Variants in DPF3 observed in about 807,000 individuals in gnomAD.
DPF3 encodes zinc finger protein DPF3.
DPF3 carries 18 observed loss-of-function variants against 56.8 expected under a neutral mutation model. That is an observed-to-expected ratio of 0.32 (90% CI 0.22 to 0.47). DPF3 has a LOEUF of 0.47. Among genes scored for constraint, DPF3 ranks in the 20% least tolerant of loss-of-function variants. DPF3 has a pLI of 1.00. For missense variants in DPF3, 403 were observed against 488.8 expected (o/e 0.82, Z 1.65); for synonymous variants, 188 against 180.2 (o/e 1.04, Z -0.35).
At chr14:72,625,296 A>G (rs1339461979) in intron 9 of DPF3, among the ~76,000 whole-genome samples, 4 of 152,122 alleles carry the variant, frequency 2.6e-5, no homozygotes, top group South Asian at 2.1e-4. Flanking sequence ...TTATATTAGT[A>G]TAGATATTTA....
chr14:72,764,494 T>G (rs1010665945), intron 2 of DPF3, among the ~76,000 whole-genome samples: 2 of 130,052 alleles, frequency 1.5e-5, no homozygotes, highest in Non-Finnish European at 3.2e-5. Flanking sequence ...GTTTTTTTTT[T>G]TTTTTTTTTT....
At chr14:72,674,483 T>C in intron 7 of DPF3, 115 bp from the exon 8 acceptor site, 2 of 1,440,518 alleles carry the variant, frequency 1.4e-6, no homozygotes, top group South Asian at 1.5e-5. Flanking sequence ...GGTTTTATTA[T>C]AACCAAGTTG....
chr14:72,735,512 T>C (rs954297883), intron 3 of DPF3, among the ~76,000 whole-genome samples: 2 of 151,950 alleles, frequency 1.3e-5, no homozygotes, highest in African/African-American at 4.8e-5. Context: ...CAGAACCAAA[T>C]GGGAAAAGTG....
chr14:72,714,330 G>T, intron 6 of DPF3, 93 bp downstream of exon 6: 1 of 1,504,272 alleles, frequency 6.6e-7, no homozygotes, highest in Non-Finnish European at 9.1e-7. Context: ...ACACACTGAG[G>T]TTGGCAGGCG....
In DPF3 at chr14:72,824,498, A is replaced by T. The variant is rs150759901; in HGVS notation, c.33-52605T>A. Among the ~76,000 whole-genome samples, 128 of 150,322 alleles carry T rather than the reference A, an allele frequency of 8.5e-4. 1 individual carries two copies. Among genetic ancestry groups the T allele is most frequent in the African/African-American group, 3.0e-3 (123 of 40,876 alleles). On this transcript the variant is annotated intron_variant, in intron 1 of 10. Transcript: ENST00000556509. Reference sequence around the variant, plus strand: ...ATTCAGAATTAACCCACCATTCTTTATGTCGCTTCAACAAGTTGCTTGTAT... The same window carrying T: ...ATTCAGAATTAACCCACCATTCTTTTTGTCGCTTCAACAAGTTGCTTGTAT...
chr14:72,865,275 G>A (rs944889073), intron 1 of DPF3, among the ~76,000 whole-genome samples: 5 of 152,162 alleles, frequency 3.3e-5, no homozygotes, highest in Non-Finnish European at 5.9e-5. Flanking sequence ...ACTTACTTTC[G>A]GAGAGGAAAG....
At chr14:72,805,154 AGG>A (rs1269505043) in intron 1 of DPF3, among the ~76,000 whole-genome samples, 2 of 152,184 alleles carry the variant, frequency 1.3e-5, no homozygotes, top group South Asian at 2.1e-4. Flanking sequence ...TGACTGAAGA[AGG>A]GGGAAACCTG....
At chr14:72,815,234 A>AG (rs1215406759) in intron 1 of DPF3, among the ~76,000 whole-genome samples, 1 of 152,190 alleles carries the variant, frequency 6.6e-6, no homozygotes, top group Non-Finnish European at 1.5e-5. Context: ...CAAAAAAAAA[A>AG]GGTTCAACAT....
chr14:72,762,858 T>G (rs961649837), intron 2 of DPF3, among the ~76,000 whole-genome samples: 1 of 151,978 alleles, frequency 6.6e-6, no homozygotes, highest in African/African-American at 2.4e-5. Context: ...TAATCAACTA[T>G]ATAGAAAATG....
rs773440535 is a variant in DPF3, at chr14:72,771,893, C to T, written c.33G>A (p.Ala11=). 1 of 1,579,224 alleles carries T rather than the reference C, an allele frequency of 6.3e-7. No individual in the cohort carries two copies. Among genetic ancestry groups the T allele is most frequent in the Admixed American group, 1.8e-5 (1 of 57,142 alleles). ...CTTCCTTGTAGAACTGGTCCCCGAG[C>T]CTGCCAGAGTCAGAGAGTGAAGGGG... is the stretch of plus-strand genomic sequence containing the variant. MATVIHNPLK[A]LGDQFYKEAI... The change falls in exon 2 of 11, where the codon GCG becomes GCA. Residue 11 remains alanine, a splice_region_variant and synonymous_variant. Coordinates refer to ENST00000556509, the MANE Select transcript of DPF3 (RefSeq NM_001280542.3).
rs1599507437 is a variant in DPF3 at position 72,865,617 on chromosome 14, G to A, written c.32+28440C>T. 2.0e-5 allele frequency among the ~76,000 whole-genome samples: 3 copies of A among 152,336 alleles called. No individual in the cohort carries two copies. In the South Asian group the frequency reaches 6.2e-4, roughly 32 times the overall value. Reference sequence around the variant, plus strand: ...TAGGAAGAAATGGAAAGGGTGAGAAGAGATTATGATGGTGCACCGAGGACC... The same window carrying A: ...TAGGAAGAAATGGAAAGGGTGAGAAAAGATTATGATGGTGCACCGAGGACC... On this transcript the variant is annotated intron_variant, in intron 1 of 10. Transcript: ENST00000556509.
At chr14:72,702,688 C>A (rs1307418931) in intron 6 of DPF3, among the ~76,000 whole-genome samples, 1 of 152,178 alleles carries the variant, frequency 6.6e-6, no homozygotes, top group Non-Finnish European at 1.5e-5. Context: ...CAGGGAGAAG[C>A]CCCAACTGAG....
At chr14:72,858,308 CA>C (rs34498163) in intron 1 of DPF3, among the ~76,000 whole-genome samples, 1,594 of 119,812 alleles carry the variant, frequency 0.013, 25 homozygotes, top group African/African-American at 0.044. Flanking sequence ...GACTCTATCT[CA>C]AAAAAAAAAA....
chr14:72,686,394 A>G (rs1411007318), intron 7 of DPF3, among the ~76,000 whole-genome samples: 1 of 152,250 alleles, frequency 6.6e-6, no homozygotes, highest in Non-Finnish European at 1.5e-5. Flanking sequence ...AATCCCATGA[A>G]GTCAGGAGGA....
At chr14:72,749,689 G>T (rs1018078449) in intron 3 of DPF3, among the ~76,000 whole-genome samples, 2 of 152,160 alleles carry the variant, frequency 1.3e-5, no homozygotes, top group African/African-American at 4.8e-5. Flanking sequence ...TTCCCATGCT[G>T]TTCTCATTCT....
At chr14:72,890,448 G>A (rs1426164040) in intron 1 of DPF3, among the ~76,000 whole-genome samples, 4 of 151,612 alleles carry the variant, frequency 2.6e-5, no homozygotes. Flanking sequence ...CCAAGATCCT[G>A]CTGCTGCACT....
chr14:72,892,619 T>A (rs980319550), intron 1 of DPF3: 4 of 1,201,476 alleles, frequency 3.3e-6, no homozygotes, highest in Non-Finnish European at 3.1e-6. Context: ...GGTTTTCAAC[T>A]CCAGGAGTGG....
intron 3 of DPF3, among the ~76,000 whole-genome samples, chr14:72,739,112 C>T (rs1599398140): frequency 6.6e-6 from 1 of 151,830 alleles, no homozygotes; most frequent in Non-Finnish European, 1.5e-5. Flanking sequence ...TGGGATCGTA[C>T]GCACCTGTAG....
chr14:72,863,429 G>A (rs1156276935), intron 1 of DPF3, among the ~76,000 whole-genome samples: 3 of 151,362 alleles, frequency 2.0e-5, no homozygotes, highest in Non-Finnish European at 4.4e-5. Context: ...AGAGAAATTA[G>A]CACATAGATG....
Sources: gnomAD v4.1 joint callset for allele counts (sites outside exome capture counted in the v4.1 genomes callset) on GRCh38, gnomAD v4.1.1 for gene constraint, MANE v1.5 for transcripts, NCBI Gene and HGNC (gene_info 2026-07-23, HGNC 2026-07-21) for gene names.